The following B4GALT4 variants were observed in gnomAD, a reference collection of about 807,000 sequenced individuals.
The protein encoded by B4GALT4 is N-acetyllactosamine synthase.
A neutral mutation model predicts 37.3 loss-of-function variants in B4GALT4; 27 were observed. The observed-to-expected ratio is 0.72, with a 90% CI of 0.53 to 1.00. The LOEUF (loss-of-function observed/expected upper bound fraction) is 1.00, where lower values mean the gene tolerates loss of function less well. Among genes scored for constraint, B4GALT4 ranks in the 50% least tolerant of loss-of-function variants. The pLI is 0.00. For missense variants in B4GALT4, 372 were observed against 413.1 expected, an observed-to-expected ratio of 0.90 and a Z score of 0.86; for synonymous variants, 148 against 154.1, an observed-to-expected ratio of 0.96 and a Z score of 0.29.
intron 5 of B4GALT4, among the ~76,000 whole-genome samples, chr3:119,222,422 T>TGGG (rs1274001351): frequency 6.5e-5 from 4 of 61,864 alleles, no homozygotes; most frequent in Non-Finnish European, 1.8e-4. Flanking sequence ...GCCCTCTGGA[T>TGGG]CCACAGCCCC....
intron 7 of B4GALT4, chr3:119,215,436 G>A (rs2078263749): frequency 6.5e-6 from 1 of 153,100 alleles, no homozygotes; most frequent in Admixed American, 6.5e-5. Context: ...CCCTACTTTT[G>A]AGGTTTTGGG....
intron 5 of B4GALT4, among the ~76,000 whole-genome samples, chr3:119,223,555 T>G (rs568336128): frequency 6.6e-6 from 1 of 152,154 alleles, no homozygotes; most frequent in Non-Finnish European, 1.5e-5. Context: ...TTGAGAGAAA[T>G]GAACTTGTCC....
intron 1 of B4GALT4, among the ~76,000 whole-genome samples, chr3:119,237,895 G>A (rs1301657409): frequency 6.6e-6 from 1 of 152,102 alleles, no homozygotes; most frequent in African/African-American, 2.4e-5. Flanking sequence ...TGGGACATAT[G>A]CTTTCATTAA....
At position 119,212,252 on chromosome 3, in the gene B4GALT4, G is replaced by A; in HGVS notation, c.*297C>T. 1.4e-6 allele frequency: 1 copy of A among 702,518 alleles called. No individual in the cohort carries two copies. The allele number at this position is 702,518 out of a possible 1,614,324, so 43.5% of individuals were successfully genotyped here. A position where few individuals can be genotyped will look rare whatever the true frequency, so the allele number is the denominator to read the frequency against. On this transcript the variant is annotated 3_prime_UTR_variant, in exon 8 of 8. Transcript: ENST00000393765. The stretch of plus-strand genomic sequence containing the variant: ...AATTTAAATAAATCTCCTTCAACCA[G>A]AGTCCTCAAATAGCGTTCATTTTAT...
At position 119,226,803 on chromosome 3, in the gene B4GALT4, G is replaced by A. The variant is rs533134962; in HGVS notation, c.486+6C>T. 6 of 1,611,354 alleles carry A rather than the reference G, an allele frequency of 3.7e-6. No homozygotes were observed. The highest frequency in any genetic ancestry group is 1.3e-5 in the African/African-American group (1 of 74,964). On this transcript the variant is annotated splice_donor_region_variant and intron_variant, in intron 4 of 7. Coordinates refer to ENST00000393765, the MANE Select transcript of B4GALT4 (RefSeq NM_003778.4). ...AGGGCAGGCCCTGGTCTGCCCCCACGCTCACCTGGTGGATGACGTAGATGC... is the reference window on the plus strand; with the variant it reads ...AGGGCAGGCCCTGGTCTGCCCCCACACTCACCTGGTGGATGACGTAGATGC...
chr3:119,238,430 G>T (rs1375101041), intron 1 of B4GALT4, among the ~76,000 whole-genome samples: 1 of 152,088 alleles, frequency 6.6e-6, no homozygotes, highest in East Asian at 1.9e-4. Context: ...TTTCTAAAAT[G>T]GAGTTTTCAT....
intron 1 of B4GALT4, among the ~76,000 whole-genome samples, chr3:119,237,787 T>C (rs1435487377): frequency 2.0e-5 from 3 of 152,216 alleles, no homozygotes; most frequent in Non-Finnish European, 4.4e-5. Flanking sequence ...AGGTATACCA[T>C]GATATTCAAA....
At chr3:119,217,931 G>A (rs550500869) in intron 6 of B4GALT4, among the ~76,000 whole-genome samples, 29 of 151,914 alleles carry the variant, frequency 1.9e-4, no homozygotes, top group African/African-American at 6.3e-4. Flanking sequence ...GAATGGCCTT[G>A]TGATTACAAG....
chr3:119,217,302 T>C (rs545714500), intron 6 of B4GALT4, among the ~76,000 whole-genome samples: 56 of 152,186 alleles, frequency 3.7e-4, no homozygotes, highest in Non-Finnish European at 7.2e-4. Context: ...CTCTGTCCAG[T>C]TCCTAAGCCA....
At chr3:119,222,976 G>C (rs911400194) in intron 5 of B4GALT4, among the ~76,000 whole-genome samples, 1 of 152,218 alleles carries the variant, frequency 6.6e-6, no homozygotes. Context: ...CAAAGTGAGA[G>C]AGCAACACAG....
Position 119,228,223 on chromosome 3 carries a change from C to T in B4GALT4, c.254-1182G>A, listed in dbSNP as rs111498114. ...GTTCTTGCGCGCTCAAAGAGCCTCACGCAACAGGTCTAATATAAACTAGTC... is the reference window on the plus strand; with the variant it reads ...GTTCTTGCGCGCTCAAAGAGCCTCATGCAACAGGTCTAATATAAACTAGTC... On this transcript the variant is annotated intron_variant, in intron 3 of 7. Transcript: ENST00000393765. Among the ~76,000 whole-genome samples the T allele has an allele frequency of 1.6e-3, 247 of 152,274 alleles. 1 individual carries two copies. Among genetic ancestry groups the T allele is most frequent in the East Asian group, 5.8e-3 (30 of 5,182 alleles).
At chr3:119,237,915 A>C (rs1369381785) in intron 1 of B4GALT4, among the ~76,000 whole-genome samples, 1 of 152,230 alleles carries the variant, frequency 6.6e-6, no homozygotes, top group Non-Finnish European at 1.5e-5. Flanking sequence ...AAATGTTTAC[A>C]ATAACTACAC....
chr3:119,240,424 A>T (rs1191069722), intron 1 of B4GALT4: 1 of 152,292 alleles, frequency 6.6e-6, no homozygotes, highest in East Asian at 1.9e-4. Flanking sequence ...TCAGCTGATC[A>T]GTTTCCCCGT....
intron 6 of B4GALT4, among the ~76,000 whole-genome samples, chr3:119,218,276 G>A (rs912945643): frequency 9.2e-5 from 14 of 152,182 alleles, no homozygotes; most frequent in African/African-American, 3.4e-4. Context: ...GGGACACTGG[G>A]AACTGTGTCC....
chr3:119,225,560 CT>C (rs2078588122), intron 4 of B4GALT4, among the ~76,000 whole-genome samples: 1 of 112,110 alleles, frequency 8.9e-6, no homozygotes, highest in African/African-American at 3.3e-5. Flanking sequence ...CCACACCCAA[CT>C]AATTTTTTTT....
At chr3:119,238,285 T>C (rs2079044477) in intron 1 of B4GALT4, among the ~76,000 whole-genome samples, 1 of 135,444 alleles carries the variant, frequency 7.4e-6, no homozygotes, top group Non-Finnish European at 1.6e-5. Flanking sequence ...AAAAAAAAAG[T>C]ATATAAAATA....
At chr3:119,224,409 A>G (rs990418732) in intron 4 of B4GALT4, among the ~76,000 whole-genome samples, 164 bp from the exon 5 acceptor site, 5 of 152,198 alleles carry the variant, frequency 3.3e-5, no homozygotes, top group Non-Finnish European at 7.4e-5. Context: ...ACAATAAAAG[A>G]CCATTTGATT....
At chr3:119,213,720 A>G (rs1431386385) in intron 7 of B4GALT4, 1 of 152,244 alleles carries the variant, frequency 6.6e-6, no homozygotes, top group Non-Finnish European at 1.5e-5. Flanking sequence ...AGGAGATATC[A>G]GCAGTGTTCA....
chr3:119,233,600 G>C (rs578135002), intron 2 of B4GALT4, among the ~76,000 whole-genome samples: 1 of 152,110 alleles, frequency 6.6e-6, no homozygotes, highest in Non-Finnish European at 1.5e-5. Context: ...ACTGAGGGAT[G>C]ACTGTAATTT....
Sources: allele counts gnomAD v4.1 joint callset (sites outside exome capture counted in the v4.1 genomes callset), GRCh38; gene constraint gnomAD v4.1.1; transcripts MANE v1.5; gene names NCBI Gene and HGNC (gene_info 2026-07-23, HGNC 2026-07-21).